Variants in CD79A observed in about 807,000 individuals in gnomAD.
CD79A encodes the protein CD79a molecule, also known as B-cell antigen receptor complex-associated protein alpha chain.
A neutral mutation model predicts 27.4 loss-of-function variants in CD79A; 16 were observed. That is an observed-to-expected ratio of 0.58 (90% confidence interval 0.40 to 0.89). The LOEUF (loss-of-function observed/expected upper bound fraction) is 0.89. Among genes scored for constraint, CD79A ranks in the 40% least tolerant of loss-of-function variants. The pLI is 0.00. For missense variants in CD79A, 237 were observed against 299.7 expected (o/e 0.79, Z 1.55); for synonymous variants, 110 against 132.7 (o/e 0.83, Z 1.18).
At position 41,877,418 on chromosome 19, in the gene CD79A, G is replaced by T; in HGVS notation, c.79+35G>T. 1 of 1,572,542 alleles carries T rather than the reference G, an allele frequency of 6.4e-7. No individual in the cohort carries two copies. Among genetic ancestry groups the T allele is most frequent in the African/African-American group, 1.3e-5 (1 of 74,170 alleles). The stretch of plus-strand genomic sequence containing the variant: ...CAAAGGGCAGGAACTGGCGGGAGGT[G>T]GGGGAAGCTGTGGAGGCTGCAGAGA... On this transcript the variant is annotated intron_variant, in intron 1 of 4. Transcript: ENST00000221972. This position sits in a 1 kb window ranked among gnomAD's most constrained non-coding sequence, Gnocchi z 4.1.
At position 41,881,006 on chromosome 19, in the gene CD79A, C is replaced by T; in HGVS notation, c.*26C>T. 1 of 1,377,662 alleles carries T rather than the reference C, an allele frequency of 7.3e-7. No homozygotes were observed. Among genetic ancestry groups the T allele is most frequent in the Non-Finnish European group, 1.0e-6 (1 of 994,238 alleles). 85.3% of individuals were successfully genotyped at this position (1,377,662 alleles called of 1,614,324 possible). Reference sequence around the variant, plus strand: ...CACCCCTACTCCTGCCAGGCTGCCCCCGCCTGCTGTGCACCCAGCTCCAGT... The same window carrying T: ...CACCCCTACTCCTGCCAGGCTGCCCTCGCCTGCTGTGCACCCAGCTCCAGT... On this transcript the variant is annotated 3_prime_UTR_variant, in exon 5 of 5. Transcript: ENST00000221972.
Position 41,879,392 on chromosome 19 carries a change from A to C in CD79A, c.379+103A>C. ...CCAGTACCTTCAATGTGGGTTTCAA[A>C]CCGGCTTGGACAGAGGGACGGACAT... On this transcript the variant is annotated intron_variant, in intron 2 of 4. Transcript: ENST00000221972. This position sits in a 1 kb window ranked among gnomAD's most constrained non-coding sequence, Gnocchi z 5.1. 7.7e-7 allele frequency: 1 copy of C among 1,299,102 alleles called. No homozygotes were observed. Among genetic ancestry groups the C allele is most frequent in the Non-Finnish European group, 1.1e-6 (1 of 927,282 alleles). The allele number at this position is 1,299,102 out of a possible 1,614,324, so 80.5% of individuals were successfully genotyped here.
rs1555843119 is a variant in CD79A at position 41,877,377 on chromosome 19, T to C, written c.73T>C (p.Tyr25His). 2 of 1,613,890 alleles carry C rather than the reference T, an allele frequency of 1.2e-6. No homozygotes were observed. The highest frequency in any genetic ancestry group is 4.5e-5 in the East Asian group (2 of 44,876). ...CCTCCTCTTCCTGCTGTCTGCTGTC[T>C]ACCTGGGTATGTGGCCAAAGGGCAG... ...IFLLFLLSAV[Y>H]LGPGCQALWM... is the part of the protein sequence containing the mutation. Residue 25 changes from tyrosine to histidine, a missense_variant, in exon 1 of 5, where the codon TAC (tyrosine) becomes CAC (histidine). Tyr to His is a moderately conservative substitution (Grantham distance 83). Transcript: ENST00000221972. The surrounding 1 kb of genome is among the most constrained non-coding windows in gnomAD (Gnocchi z 4.1).
At chr19:41,880,456 GGAAGGAAGGAAGGAAGGAAGGAA>G (rs1227831540) in intron 3 of CD79A, among the ~76,000 whole-genome samples, 191 bp from the exon 4 acceptor site, 34 of 39,160 alleles carry the variant, frequency 8.7e-4, no homozygotes, top group Admixed American at 7.0e-3. Flanking sequence ...GGGAAGGGAA[GGAAGGAAGGAAGGAAGGAAGGAA>G]GGAAGGAAGG....
intron 3 of CD79A, 25 bp from the exon 4 acceptor site, chr19:41,880,645 G>GCGGGGCCC: frequency 1.1e-5 from 13 of 1,134,274 alleles, no homozygotes; most frequent in East Asian, 2.6e-5. Context: ...GCTCACTGAG[G>GCGGGGCCC]CACCCACCCC....
Position 41,877,943 on chromosome 19 carries a change from G to C in CD79A, c.79+560G>C, listed in dbSNP as rs1424106211. ...AAGGGGACACTGGGAGCAAGGATTG[G>C]AGTTCACGTCTGAGTCTTAAGCCCG... On this transcript the variant is annotated intron_variant, in intron 1 of 4. Coordinates refer to ENST00000221972, the MANE Select transcript of CD79A (RefSeq NM_001783.4). This position sits in a 1 kb window ranked among gnomAD's most constrained non-coding sequence, Gnocchi z 4.1. Among the ~76,000 whole-genome samples, 3 of 152,162 alleles carry C rather than the reference G, an allele frequency of 2.0e-5. No homozygotes were observed. The highest frequency in any genetic ancestry group is 7.2e-5 in the African/African-American group (3 of 41,432).
chr19:41,879,432 T>C lies in CD79A; in HGVS notation c.380-103T>C. 2.6e-6 allele frequency: 3 copies of C among 1,167,128 alleles called. No individual in the cohort carries two copies. Among genetic ancestry groups the C allele is most frequent in the South Asian group, 1.3e-5 (1 of 77,236 alleles). 72.3% of individuals were successfully genotyped at this position (1,167,128 alleles called of 1,614,324 possible). ...GGGACGGACATTCTCCTCTGCAGAGTGGGGTCTCTGGGGGGTCTGGGGCCT... is the reference window on the plus strand; with the variant it reads ...GGGACGGACATTCTCCTCTGCAGAGCGGGGTCTCTGGGGGGTCTGGGGCCT... On this transcript the variant is annotated intron_variant, in intron 2 of 4. Transcript: ENST00000221972. The surrounding 1 kb of genome is among the most constrained non-coding windows in gnomAD (Gnocchi z 5.1).
chr19:41,881,327 T>C lies in CD79A; in HGVS notation c.*347T>C, dbSNP rs2074224072. The C allele has an allele frequency of 2.2e-6, 1 of 455,536 alleles. No homozygotes were observed. The highest frequency in any genetic ancestry group is 4.1e-6 in the Non-Finnish European group (1 of 244,418). 28.2% of individuals were successfully genotyped at this position (455,536 alleles called of 1,614,324 possible). ...CTCGTTAGTGTCACCCCCTCCTCCC[T>C]GATCTGTCAGGGCCACTTAGTGATA... On this transcript the variant is annotated 3_prime_UTR_variant, in exon 5 of 5. Transcript: ENST00000221972.
chr19:41,880,122 G>A (rs1206090250), intron 3 of CD79A, among the ~76,000 whole-genome samples: 9 of 152,134 alleles, frequency 5.9e-5, no homozygotes, highest in African/African-American at 1.2e-4. Context: ...TCAAGAAGAC[G>A]CTAGCTTGGG....
Position 41,880,699 on chromosome 19 carries a change from G to A in CD79A, c.528G>A (p.Leu176=). ...RKRWQNEKLG[L]DAGDEYEDEN... ...GATGGCAGAACGAGAAGCTCGGGTT[G>A]GATGCCGGGGATGAATATGAAGATG... Residue 176 remains leucine, a synonymous_variant, in exon 4 of 5, where the codon TTG becomes TTA. Coordinates refer to ENST00000221972, the MANE Select transcript of CD79A (RefSeq NM_001783.4). The A allele has an allele frequency of 2.6e-6, 4 of 1,541,794 alleles. No individual in the cohort carries two copies. Among genetic ancestry groups the A allele is most frequent in the Non-Finnish European group, 3.5e-6 (4 of 1,140,660 alleles).
chr19:41,880,991 C>T lies in CD79A; in HGVS notation c.*11C>T. ...CTGGAGAAGCCGTGACACCCCTACT[C>T]CTGCCAGGCTGCCCCCGCCTGCTGT... On this transcript the variant is annotated 3_prime_UTR_variant, in exon 5 of 5. Coordinates refer to ENST00000221972, the MANE Select transcript of CD79A (RefSeq NM_001783.4). 5 of 1,502,798 alleles carry T rather than the reference C, an allele frequency of 3.3e-6. No individual in the cohort carries two copies. The highest frequency in any genetic ancestry group is 1.2e-5 in the South Asian group (1 of 83,854). 93.1% of individuals were successfully genotyped at this position (1,502,798 alleles called of 1,614,324 possible).
Position 41,879,690 on chromosome 19 carries a change from G to A in CD79A, c.498+37G>A. ...CGGACCTCTGAGTCAGCCGGGCGAG[G>A]GCCTGGGCCGAGGGACCCCCAATAC... On this transcript the variant is annotated intron_variant, in intron 3 of 4. Transcript: ENST00000221972. The surrounding 1 kb of genome is among the most constrained non-coding windows in gnomAD (Gnocchi z 5.1). 2 of 1,447,234 alleles carry A rather than the reference G, an allele frequency of 1.4e-6. No homozygotes were observed. Among genetic ancestry groups the A allele is most frequent in the South Asian group, 1.2e-5 (1 of 86,786 alleles). The allele number at this position is 1,447,234 out of a possible 1,614,324, so 89.6% of individuals were successfully genotyped here. A position where few individuals can be genotyped will look rare whatever the true frequency, so the allele number is the denominator to read the frequency against.
At position 41,878,850 on chromosome 19, in the gene CD79A, C is replaced by T; in HGVS notation, c.80-140C>T. ...CCCTCTCCCCAGGATGTATCAGCCC[C>T]TGTCAGGGGCTCTCTCTCTCCCTCC... On this transcript the variant is annotated intron_variant, in intron 1 of 4. Transcript: ENST00000221972. The surrounding 1 kb of genome is among the most constrained non-coding windows in gnomAD (Gnocchi z 4.3). The T allele has an allele frequency of 1.5e-6, 1 of 676,194 alleles. No homozygotes were observed. The highest frequency in any genetic ancestry group is 2.4e-5 in the Admixed American group (1 of 41,122). 41.9% of individuals were successfully genotyped at this position (676,194 alleles called of 1,614,324 possible). A position where few individuals can be genotyped will look rare whatever the true frequency, so the allele number is the denominator to read the frequency against.
At chr19:41,880,643 A>AGGCTG in intron 3 of CD79A, 27 bp from the exon 4 acceptor site, 29 of 1,171,654 alleles carry the variant, frequency 2.5e-5, no homozygotes, top group East Asian at 7.7e-5. Flanking sequence ...CTGCTCACTG[A>AGGCTG]GGCACCCACC....
rs1555843665 is a variant in CD79A, at chr19:41,879,472, G to A, written c.380-63G>A. The A allele has an allele frequency of 6.8e-6, 9 of 1,320,434 alleles. No homozygotes were observed. Among genetic ancestry groups the A allele is most frequent in the Admixed American group, 1.8e-5 (1 of 54,402 alleles). 81.8% of individuals were successfully genotyped at this position (1,320,434 alleles called of 1,614,324 possible). ...GTCTGGGGCCTTGCAGGAGGTGGGCGGGGCCAGGAGGCTAGGGAGGGCAAG... is the reference window on the plus strand; with the variant it reads ...GTCTGGGGCCTTGCAGGAGGTGGGCAGGGCCAGGAGGCTAGGGAGGGCAAG... On this transcript the variant is annotated intron_variant, in intron 2 of 4. Transcript: ENST00000221972. The surrounding 1 kb of genome is among the most constrained non-coding windows in gnomAD (Gnocchi z 5.1).
Position 41,879,689 on chromosome 19 carries a change from G to A in CD79A, c.498+36G>A. 1.4e-6 allele frequency: 2 copies of A among 1,450,186 alleles called. No individual in the cohort carries two copies. Among genetic ancestry groups the A allele is most frequent in the Non-Finnish European group, 1.9e-6 (2 of 1,035,696 alleles). The allele number at this position is 1,450,186 out of a possible 1,614,324, so 89.8% of individuals were successfully genotyped here. ...TCGGACCTCTGAGTCAGCCGGGCGAGGGCCTGGGCCGAGGGACCCCCAATA... is the reference window on the plus strand; with the variant it reads ...TCGGACCTCTGAGTCAGCCGGGCGAAGGCCTGGGCCGAGGGACCCCCAATA... On this transcript the variant is annotated intron_variant, in intron 3 of 4. Coordinates refer to ENST00000221972, the MANE Select transcript of CD79A (RefSeq NM_001783.4). This position sits in a 1 kb window ranked among gnomAD's most constrained non-coding sequence, Gnocchi z 5.1.
chr19:41,877,325 C>A lies in CD79A; in HGVS notation c.21C>A (p.Val7=). The change falls in exon 1 of 5, where the codon GTC becomes GTA. Residue 7 remains valine (V), a synonymous_variant. Transcript: ENST00000221972. This position sits in a 1 kb window ranked among gnomAD's most constrained non-coding sequence, Gnocchi z 4.1. ...AGAAGATGCCTGGGGGTCCAGGAGT[C>A]CTCCAAGCTCTGCCTGCCACCATCT... MPGGPG[V]LQALPATIFL... The A allele has an allele frequency of 6.2e-7, 1 of 1,614,126 alleles. No homozygotes were observed. Among genetic ancestry groups the A allele is most frequent in the South Asian group, 1.1e-5 (1 of 91,084 alleles).
rs1555843127 is a variant in CD79A at position 41,877,387 on chromosome 19, T to C, written c.79+4T>C. 6.2e-7 allele frequency: 1 copy of C among 1,613,518 alleles called. No individual in the cohort carries two copies. Among genetic ancestry groups the C allele is most frequent in the South Asian group, 1.1e-5 (1 of 91,070 alleles). Reference sequence around the variant, plus strand: ...CTGCTGTCTGCTGTCTACCTGGGTATGTGGCCAAAGGGCAGGAACTGGCGG... The same window carrying C: ...CTGCTGTCTGCTGTCTACCTGGGTACGTGGCCAAAGGGCAGGAACTGGCGG... On this transcript the variant is annotated splice_donor_region_variant and intron_variant, in intron 1 of 4. Transcript: ENST00000221972. The surrounding 1 kb of genome is among the most constrained non-coding windows in gnomAD (Gnocchi z 4.1).
rs1298532386 is a variant in CD79A, at chr19:41,880,704, C to G, written c.533C>G (p.Ala178Gly). ...CAGAACGAGAAGCTCGGGTTGGATGCCGGGGATGAATATGAAGATGAAAAC... is the reference window on the plus strand; with the variant it reads ...CAGAACGAGAAGCTCGGGTTGGATGGCGGGGATGAATATGAAGATGAAAAC... ...RWQNEKLGLDAGDEYEDENLY... is the reference protein window; with the variant it reads ...RWQNEKLGLDGGDEYEDENLY... The change falls in exon 4 of 5, where the codon GCC becomes GGC. Residue 178 changes from alanine (A) to glycine (G), a missense_variant. Transcript: ENST00000221972. 7.7e-7 allele frequency: 1 copy of G among 1,294,316 alleles called. No homozygotes were observed. Among genetic ancestry groups the G allele is most frequent in the African/African-American group, 1.6e-5 (1 of 63,712 alleles). 80.2% of individuals were successfully genotyped at this position (1,294,316 alleles called of 1,614,324 possible). A position where few individuals can be genotyped will look rare whatever the true frequency, so the allele number is the denominator to read the frequency against.
Sources: gnomAD v4.1 joint callset for allele counts (sites outside exome capture counted in the v4.1 genomes callset) on GRCh38, gnomAD v4.1.1 for gene constraint, Gnocchi (gnomAD v3.1) non-coding constraint, MANE v1.5 for transcripts, NCBI Gene and HGNC (gene_info 2026-07-23, HGNC 2026-07-21) for gene names.